SORBS2: variants seen among roughly 807,000 people sequenced by gnomAD.
The protein encoded by SORBS2 is sorbin and SH3 domain-containing protein 2.
Under a neutral mutation model 97.7 loss-of-function variants are expected in SORBS2, and 46 were observed. The observed-to-expected ratio is 0.47, with a 90% CI of 0.37 to 0.60. The LOEUF (loss-of-function observed/expected upper bound fraction) is 0.60. Among genes scored for constraint, SORBS2 ranks in the 20% least tolerant of loss-of-function variants. SORBS2 has a pLI of 0.00. For synonymous variants in SORBS2, 476 were observed against 473.4 expected (o/e 1.01, Z -0.07); for missense variants, 1,316 against 1,282.3 (o/e 1.03, Z -0.40).
At chr4:185,910,855 G>A (rs1314650339) in intron 1 of SORBS2, among the ~76,000 whole-genome samples, 4 of 151,950 alleles carry the variant, frequency 2.6e-5, no homozygotes, top group Non-Finnish European at 4.4e-5. Flanking sequence ...CTCTACATCA[G>A]TAAATCAGAA....
chr4:185,708,785 C>T (rs145421719), intron 2 of SORBS2, among the ~76,000 whole-genome samples: 1 of 152,254 alleles, frequency 6.6e-6, no homozygotes, highest in East Asian at 1.9e-4. Context: ...GGAAAAGGCC[C>T]ACAAAAGGTG....
chr4:185,725,633 T>C (rs1422584669), intron 2 of SORBS2, among the ~76,000 whole-genome samples: 1 of 152,204 alleles, frequency 6.6e-6, no homozygotes, highest in Non-Finnish European at 1.5e-5. Context: ...TTGATCTTTG[T>C]TTTTGCTGTT....
intron 12 of SORBS2, among the ~76,000 whole-genome samples, chr4:185,602,482 A>T (rs1299687209): frequency 6.6e-6 from 1 of 152,218 alleles, no homozygotes; most frequent in Non-Finnish European, 1.5e-5. Context: ...TCTGGATTGC[A>T]TTTACTTTTA....
intron 6 of SORBS2, among the ~76,000 whole-genome samples, chr4:185,626,606 A>G (rs1188585504): frequency 6.6e-6 from 1 of 152,220 alleles, no homozygotes. Flanking sequence ...ATTTGGGGGA[A>G]AAAAGCATTA....
intron 2 of SORBS2, among the ~76,000 whole-genome samples, chr4:185,709,496 A>G (rs1375884325): frequency 2.6e-5 from 4 of 151,878 alleles, no homozygotes; most frequent in Non-Finnish European, 4.4e-5. Context: ...TACTTTTTAA[A>G]TGTGTTTTTG....
intron 4 of SORBS2, among the ~76,000 whole-genome samples, chr4:185,636,649 T>C (rs1017620403): frequency 9.8e-6 from 1 of 102,096 alleles, no homozygotes; most frequent in Non-Finnish European, 2.2e-5. Context: ...CAGTTGACTA[T>C]TTTTTTTTTT....
Position 185,623,653 on chromosome 4 carries a change from C to A in SORBS2, c.1476G>T (p.Gln492His), listed in dbSNP as rs1252507132. 6.2e-7 allele frequency: 1 copy of A among 1,614,100 alleles called. No homozygotes were observed. The highest frequency in any genetic ancestry group is 2.2e-5 in the East Asian group (1 of 44,866). Residue 492 changes from glutamine to histidine, a missense_variant, in exon 7 of 15, where the codon CAG (glutamine) becomes CAT (histidine). Coordinates refer to ENST00000418609, the Ensembl canonical transcript of SORBS2. This position sits in a 1 kb window ranked among gnomAD's most constrained non-coding sequence, Gnocchi z 6.4. ...CGGAAAACTCCACGTGTGCTCGGGGCTGCTCATCGCTGGTGACTTCAATGT... is the reference window on the plus strand; with the variant it reads ...CGGAAAACTCCACGTGTGCTCGGGGATGCTCATCGCTGGTGACTTCAATGT...
chr4:185,613,426 G>A (rs2096573189), intron 11 of SORBS2, among the ~76,000 whole-genome samples: 1 of 152,126 alleles, frequency 6.6e-6, no homozygotes, highest in African/African-American at 2.4e-5. Context: ...AAGGCGGGCG[G>A]ATCATGAGGT....
intron 1 of SORBS2, among the ~76,000 whole-genome samples, chr4:185,809,482 A>AAAAAT (rs1561170208): frequency 2.0e-5 from 3 of 147,894 alleles, no homozygotes; most frequent in Non-Finnish European, 4.5e-5. Context: ...AAAAAAAAAA[A>AAAAAT]TCTGATATAG....
chr4:185,938,571 A>G (rs572562445), intron 1 of SORBS2, among the ~76,000 whole-genome samples: 5 of 152,066 alleles, frequency 3.3e-5, no homozygotes, highest in African/African-American at 1.2e-4. Context: ...CCAAGACTTG[A>G]CCATTTCTGA....
chr4:185,727,373 C>T (rs2098562708), intron 2 of SORBS2, among the ~76,000 whole-genome samples: 1 of 152,154 alleles, frequency 6.6e-6, no homozygotes, highest in Non-Finnish European at 1.5e-5. Flanking sequence ...TAACAATACT[C>T]ACATACAAGT....
intron 1 of SORBS2, among the ~76,000 whole-genome samples, chr4:185,882,114 T>C (rs1434406407): frequency 2.6e-5 from 4 of 152,050 alleles, no homozygotes; most frequent in Admixed American, 6.6e-5. Context: ...ATTAAACTGA[T>C]GAAAAAGAAA....
chr4:185,587,937 T>C (rs2095825533), intron 14 of SORBS2: 2 of 429,126 alleles, frequency 4.7e-6, no homozygotes, highest in South Asian at 2.9e-5. Flanking sequence ...ACAGAAATGC[T>C]GAGCCTCCCA....
rs964698292 is a variant in SORBS2, at chr4:185,769,760, G to A, written c.-198+5467C>T. Among the ~76,000 whole-genome samples, 7 of 152,322 alleles carry A rather than the reference G, an allele frequency of 4.6e-5. No homozygotes were observed. In the South Asian group the frequency reaches 6.2e-4, roughly 14 times the overall value. On this transcript the variant is annotated intron_variant, in intron 2 of 20. Coordinates refer to the SORBS2 transcript ENST00000284776. ...CCGCCTTGGCCTCCGAAAGTGCTGGGATTGTAGGCGTGAGCCACTGTGCCC... is the reference window on the plus strand; with the variant it reads ...CCGCCTTGGCCTCCGAAAGTGCTGGAATTGTAGGCGTGAGCCACTGTGCCC...
In SORBS2 at chr4:185,649,452, G is replaced by C; in HGVS notation, c.281+15C>G. 2 of 1,552,138 alleles carry C rather than the reference G, an allele frequency of 1.3e-6. No individual in the cohort carries two copies. The highest frequency in any genetic ancestry group is 1.7e-6 in the Non-Finnish European group (2 of 1,147,568). On this transcript the variant is annotated intron_variant, in intron 3 of 14. Transcript: ENST00000418609. ...CTAAGCGAAACATAGGCCACCCTGGGGGGAAATGCCTTACTTTTCTGTTGA... is the reference window on the plus strand; with the variant it reads ...CTAAGCGAAACATAGGCCACCCTGGCGGGAAATGCCTTACTTTTCTGTTGA...
Position 185,630,602 on chromosome 4 carries a change from T to A in SORBS2, c.397-4A>T. The A allele has an allele frequency of 6.3e-7, 1 of 1,589,318 alleles. No homozygotes were observed. Among genetic ancestry groups the A allele is most frequent in the Non-Finnish European group, 8.6e-7 (1 of 1,164,602 alleles). On this transcript the variant is annotated splice_region_variant and splice_polypyrimidine_tract_variant and intron_variant, in intron 4 of 14. Coordinates refer to ENST00000418609, the Ensembl canonical transcript of SORBS2. ...TAGAGGACTGATACAAGGAGGCCTGTTAAGATAGGATAATAGTACCATGAA... is the reference window on the plus strand; with the variant it reads ...TAGAGGACTGATACAAGGAGGCCTGATAAGATAGGATAATAGTACCATGAA...
At chr4:185,956,362 A>T (rs1411180293) in exon 1 of SORBS2, 1 of 152,232 alleles carries the variant, frequency 6.6e-6, no homozygotes, top group Non-Finnish European at 1.5e-5. Flanking sequence ...CATCCACAAT[A>T]AAAGGAGACT....
chr4:185,666,912 A>G (rs1021775391), intron 4 of SORBS2, among the ~76,000 whole-genome samples: 1 of 152,236 alleles, frequency 6.6e-6, no homozygotes, highest in Admixed American at 6.5e-5. Context: ...GGAGAAAGAA[A>G]CTGAAGGAAA....
At chr4:185,722,977 C>G (rs958715659) in intron 2 of SORBS2, among the ~76,000 whole-genome samples, 4 of 152,122 alleles carry the variant, frequency 2.6e-5, no homozygotes, top group African/African-American at 9.7e-5. Context: ...TGAGCTGTCA[C>G]CCAACCCCAA....
Sources: allele counts gnomAD v4.1 joint callset (sites outside exome capture counted in the v4.1 genomes callset), GRCh38; gene constraint gnomAD v4.1.1; non-coding constraint Gnocchi (gnomAD v3.1); transcripts MANE v1.5; gene names NCBI Gene and HGNC (gene_info 2026-07-23, HGNC 2026-07-21).